Variants in CACNA1E observed in about 807,000 individuals in gnomAD.
CACNA1E encodes calcium voltage-gated channel subunit alpha1 E, also known as voltage-dependent R-type calcium channel subunit alpha-1E.
A neutral mutation model predicts 259.2 loss-of-function variants in CACNA1E; 40 were observed. The ratio of observed to expected loss-of-function variants is 0.15; its 90% confidence interval spans 0.12 to 0.20. The LOEUF is 0.20. Among genes scored for constraint, CACNA1E ranks in the 10% least tolerant of loss-of-function variants. The pLI is 1.00. For missense variants in CACNA1E, 1,874 were observed against 3,040.1 expected (o/e 0.62, Z 9.02); for synonymous variants, 1,104 against 1,138.5 (o/e 0.97, Z 0.61).
chr1:181,363,304 G>A (rs1016669098), intron 1 of CACNA1E, among the ~76,000 whole-genome samples: 3 of 152,208 alleles, frequency 2.0e-5, no homozygotes, highest in Non-Finnish European at 4.4e-5. Context: ...ATGCGCGTGT[G>A]GGATGTCTAT....
At chr1:181,380,662 C>T (rs997434737) in intron 1 of CACNA1E, among the ~76,000 whole-genome samples, 12 of 152,064 alleles carry the variant, frequency 7.9e-5, no homozygotes, top group African/African-American at 2.9e-4. Context: ...CACTACATGT[C>T]TATTAGGAAA....
chr1:181,368,259 A>G (rs912278753), intron 1 of CACNA1E, among the ~76,000 whole-genome samples: 1 of 148,492 alleles, frequency 6.7e-6, no homozygotes, highest in Non-Finnish European at 1.5e-5. Context: ...AAAATGTGTC[A>G]TTTAGACAGA....
intron 1 of CACNA1E, among the ~76,000 whole-genome samples, chr1:181,376,411 G>T (rs1027849516): frequency 2.0e-5 from 3 of 152,204 alleles, no homozygotes; most frequent in Non-Finnish European, 4.4e-5. Context: ...TTGGCCTATT[G>T]CATGTTTCCT....
At chr1:181,384,802 A>G (rs546967429) in intron 1 of CACNA1E, among the ~76,000 whole-genome samples, 1 of 152,224 alleles carries the variant, frequency 6.6e-6, no homozygotes, top group East Asian at 1.9e-4. Flanking sequence ...TGACGAGTTA[A>G]TGGGTGCAGC....
At chr1:181,496,172 A>T (rs1000774938) in intron 1 of CACNA1E, among the ~76,000 whole-genome samples, 4 of 152,208 alleles carry the variant, frequency 2.6e-5, no homozygotes, top group Admixed American at 6.5e-5. Flanking sequence ...TGTTTCCTTT[A>T]TATGTTTCTA....
At chr1:181,722,142 G>A (rs552225744) in intron 16 of CACNA1E, among the ~76,000 whole-genome samples, 3 of 152,164 alleles carry the variant, frequency 2.0e-5, no homozygotes, top group Non-Finnish European at 4.4e-5. Context: ...TGAATGGTTG[G>A]AGGTACTATG....
At chr1:181,348,526 TGA>T (rs1412739519) in intron 1 of CACNA1E, among the ~76,000 whole-genome samples, 1 of 152,142 alleles carries the variant, frequency 6.6e-6, no homozygotes, top group African/African-American at 2.4e-5. Flanking sequence ...TACAAGCCAC[TGA>T]GTCTCCAGAT....
rs952983363 is a variant in CACNA1E at position 181,732,216 on chromosome 1, G to A, written c.2298-168G>A. Among the ~76,000 whole-genome samples the A allele has an allele frequency of 6.6e-6, 1 of 152,152 alleles. No homozygotes were observed. The highest frequency in any genetic ancestry group is 1.5e-5 in the Non-Finnish European group (1 of 68,012). ...GGCACCTGCCTGATGAGCTCCTCAC[G>A]TGTGGCCCGCCTGCTCCTCGCATCT... On this transcript the variant is annotated intron_variant, in intron 19 of 47. Coordinates refer to ENST00000367573, the MANE Select transcript of CACNA1E (RefSeq NM_001205293.3). The surrounding 1 kb of genome is among the most constrained non-coding windows in gnomAD (Gnocchi z 5.5).
intron 6 of CACNA1E, among the ~76,000 whole-genome samples, chr1:181,584,263 T>A (rs4360493): frequency 6.6e-6 from 1 of 152,166 alleles, no homozygotes; most frequent in African/African-American, 2.4e-5. Context: ...GTTATTTCTC[T>A]TCTTACTTAC....
intron 3 of CACNA1E, among the ~76,000 whole-genome samples, chr1:181,542,830 G>C (rs904840415): frequency 6.6e-6 from 1 of 150,516 alleles, no homozygotes; most frequent in African/African-American, 2.5e-5. Flanking sequence ...GTTACCTAAA[G>C]TAACTTTTGT....
rs754653742 is a variant in CACNA1E, at chr1:181,798,422, G to A, written c.6530G>A (p.Arg2177Gln). 187 of 1,613,468 alleles carry A rather than the reference G, an allele frequency of 1.2e-4. No homozygotes were observed. Among genetic ancestry groups the A allele is most frequent in the Non-Finnish European group, 1.4e-4 (170 of 1,179,882 alleles). ...RPLLSYSSLI[R>Q]HAGSISPPAD... ...CTCCTTTCCTACAGCTCCCTGATTC[G>A]ACACGCGGGCAGCATCTCTCCACCT... is the stretch of plus-strand genomic sequence containing the variant. Residue 2177 changes from arginine (R) to glutamine (Q), a missense_variant, in exon 48 of 48, where the codon CGA becomes CAA. By Grantham distance (43) the Arg-to-Gln change is conservative. Around this residue, in one of 14 missense-constraint regions of CACNA1E, gnomAD observed 542 missense variants for 587.2 expected, o/e 0.92. Transcript: ENST00000367573. The surrounding 1 kb of genome is among the most constrained non-coding windows in gnomAD (Gnocchi z 4.2).
Position 181,717,174 on chromosome 1 carries a change from G to A in CACNA1E, c.1397G>A (p.Arg466His), listed in dbSNP as rs762966764. The A allele has an allele frequency of 6.8e-6, 11 of 1,614,010 alleles. No individual in the cohort carries two copies. The highest frequency in any genetic ancestry group is 1.3e-5 in the African/African-American group (1 of 75,062). ...SYFRHKERLL[R>H]ISIRHMVKSQ... ...TTCCGGCACAAGGAAAGGCTTCTGC[G>A]CATCTCCATTCGCCACATGGTTAAA... The change falls in exon 11 of 48, where the codon CGC becomes CAC. Residue 466 changes from arginine (R) to histidine (H), a missense_variant. Arg to His is a conservative substitution (Grantham distance 29). Transcript: ENST00000367573.
chr1:181,752,650 C>T (rs1480672717), intron 27 of CACNA1E, among the ~76,000 whole-genome samples: 1 of 152,146 alleles, frequency 6.6e-6, no homozygotes, highest in East Asian at 1.9e-4. Flanking sequence ...TTTTCTTTTT[C>T]TTATAACTCA....
chr1:181,689,306 T>A (rs1037037218), intron 7 of CACNA1E, among the ~76,000 whole-genome samples: 5 of 152,230 alleles, frequency 3.3e-5, no homozygotes, highest in African/African-American at 1.2e-4. Context: ...GCAAAGGACA[T>A]GAACTCATCC....
At chr1:181,383,832 A>G (rs1320932722) in intron 1 of CACNA1E, among the ~76,000 whole-genome samples, 1 of 152,142 alleles carries the variant, frequency 6.6e-6, no homozygotes, top group Non-Finnish European at 1.5e-5. Context: ...GATGTGTGGC[A>G]CCTCCAGACC....
At chr1:181,369,264 A>G (rs560432477) in intron 1 of CACNA1E, among the ~76,000 whole-genome samples, 2 of 152,160 alleles carry the variant, frequency 1.3e-5, no homozygotes, top group Non-Finnish European at 2.9e-5. Flanking sequence ...CAGTGTGGAG[A>G]TTGGAAACTG....
chr1:181,436,261 T>C (rs1254967109), intron 2 of CACNA1E, among the ~76,000 whole-genome samples: 2 of 152,226 alleles, frequency 1.3e-5, no homozygotes, highest in Non-Finnish European at 2.9e-5. Flanking sequence ...TATGTATTGT[T>C]GGTAGAATGT....
intron 1 of CACNA1E, among the ~76,000 whole-genome samples, chr1:181,392,113 A>G (rs1179565145): frequency 6.6e-6 from 1 of 152,156 alleles, no homozygotes; most frequent in African/African-American, 2.4e-5. Flanking sequence ...CAGCACAGAA[A>G]GGGTAAGGAA....
chr1:181,545,198 GA>G (rs1243268591), intron 3 of CACNA1E, among the ~76,000 whole-genome samples: 1 of 152,192 alleles, frequency 6.6e-6, no homozygotes, highest in Non-Finnish European at 1.5e-5. Context: ...AGGAGGGGAT[GA>G]AAACAGGTTG....
Sources: gnomAD v4.1 joint callset for allele counts (sites outside exome capture counted in the v4.1 genomes callset) on GRCh38, gnomAD v4.1.1 for gene constraint, gnomAD v4.1.1 regional missense constraint, Gnocchi (gnomAD v3.1) non-coding constraint, MANE v1.5 for transcripts, NCBI Gene and HGNC (gene_info 2026-07-23, HGNC 2026-07-21) for gene names.